Variants in NELL1 observed in about 807,000 individuals in gnomAD.
The protein encoded by NELL1 is protein kinase C-binding protein NELL1.
Under a neutral mutation model 107.4 loss-of-function variants are expected in NELL1, and 76 were observed. That is an observed-to-expected ratio of 0.71 (90% CI 0.59 to 0.86). The LOEUF (loss-of-function observed/expected upper bound fraction) is 0.86. Among genes scored for constraint, NELL1 ranks in the 40% least tolerant of loss-of-function variants. NELL1 has a pLI of 0.00. For synonymous variants in NELL1, 353 were observed against 341.2 expected (o/e 1.03, Z -0.38); for missense variants, 1,024 against 1,005.5 (o/e 1.02, Z -0.25).
At chr11:21,324,075 A>T (rs1221174362) in intron 14 of NELL1, among the ~76,000 whole-genome samples, 1 of 152,108 alleles carries the variant, frequency 6.6e-6, no homozygotes, top group Non-Finnish European at 1.5e-5. Context: ...ACATTTCATT[A>T]ATTTAGGAGT....
intron 17 of NELL1, 99 bp downstream of exon 17, chr11:21,560,481 G>A: frequency 3.7e-6 from 4 of 1,090,578 alleles, no homozygotes; most frequent in Non-Finnish European, 5.2e-6. Context: ...GTTGACTGTA[G>A]TTCCTGAACA....
At chr11:21,182,577 C>T (rs988773212) in intron 13 of NELL1, among the ~76,000 whole-genome samples, 5 of 151,416 alleles carry the variant, frequency 3.3e-5, no homozygotes, top group Admixed American at 6.6e-5. Context: ...ACTTATAATA[C>T]GAAAAGAGCA....
intron 16 of NELL1, among the ~76,000 whole-genome samples, chr11:21,544,651 A>G (rs1378565629): frequency 6.6e-6 from 1 of 151,932 alleles, no homozygotes; most frequent in Non-Finnish European, 1.5e-5. Context: ...CACCAGGTAG[A>G]AATATTTATG....
chr11:21,167,080 A>G (rs1466435814), intron 13 of NELL1, among the ~76,000 whole-genome samples: 2 of 151,936 alleles, frequency 1.3e-5, no homozygotes, highest in African/African-American at 4.9e-5. Context: ...TGAAAAGTCC[A>G]GACATAATAT....
intron 13 of NELL1, among the ~76,000 whole-genome samples, chr11:21,164,835 TTAAATG>T (rs1223764089): frequency 2.6e-5 from 4 of 152,328 alleles, no homozygotes; most frequent in Admixed American, 1.3e-4. Context: ...GATGTAGTAA[TTAAATG>T]TAAATACCTA....
At chr11:21,013,139 G>A (rs956057430) in intron 12 of NELL1, among the ~76,000 whole-genome samples, 30 of 152,298 alleles carry the variant, frequency 2.0e-4, no homozygotes, top group African/African-American at 6.7e-4. Flanking sequence ...GCAGCTTGGA[G>A]GTTAAAGGCA....
At chr11:21,467,125 G>C (rs893846522) in intron 15 of NELL1, among the ~76,000 whole-genome samples, 3 of 152,036 alleles carry the variant, frequency 2.0e-5, no homozygotes, top group Admixed American at 2.0e-4. Context: ...TTTACCAAGA[G>C]AGAGAACAAA....
At chr11:21,440,107 T>C (rs1853240591) in intron 15 of NELL1, among the ~76,000 whole-genome samples, 1 of 152,158 alleles carries the variant, frequency 6.6e-6, no homozygotes, top group Admixed American at 6.6e-5. Flanking sequence ...AGTTAATTCA[T>C]AGAATTCCAG....
chr11:21,371,432 A>G (rs929478550), intron 15 of NELL1, among the ~76,000 whole-genome samples: 1 of 152,122 alleles, frequency 6.6e-6, no homozygotes, highest in South Asian at 2.1e-4. Context: ...TAGGAACATT[A>G]TCATTCATAG....
intron 14 of NELL1, among the ~76,000 whole-genome samples, chr11:21,257,995 G>A (rs1373044037): frequency 6.6e-6 from 1 of 152,026 alleles, no homozygotes; most frequent in Non-Finnish European, 1.5e-5. Context: ...ACACATTGGT[G>A]GGAAGAGAGA....
chr11:20,675,782 CT>C (rs535286280), intron 1 of NELL1, among the ~76,000 whole-genome samples: 60 of 151,174 alleles, frequency 4.0e-4, no homozygotes, highest in Non-Finnish European at 7.8e-4. Context: ...CTTTTCTTTT[CT>C]TTTTTTTTGA....
At chr11:20,707,980 G>T (rs1312642824) in intron 2 of NELL1, among the ~76,000 whole-genome samples, 1 of 152,222 alleles carries the variant, frequency 6.6e-6, no homozygotes, top group Non-Finnish European at 1.5e-5. Context: ...TGCCTGAGCT[G>T]CAGTGGGCTC....
intron 15 of NELL1, among the ~76,000 whole-genome samples, chr11:21,488,644 G>C (rs10833550): frequency 0.99 from 150,729 of 152,268 alleles, 74,622 homozygotes; most frequent in Middle Eastern, 1. Flanking sequence ...ACTTTGAAAA[G>C]TATACAAATA....
intron 5 of NELL1, 106 bp downstream of exon 5, chr11:20,885,646 G>A: frequency 1.4e-6 from 1 of 710,520 alleles, no homozygotes; most frequent in South Asian, 1.6e-5. Context: ...GGAAGGGCAT[G>A]GCATAATAGC....
chr11:20,795,408 T>C (rs886733092), intron 3 of NELL1, among the ~76,000 whole-genome samples: 1 of 152,232 alleles, frequency 6.6e-6, no homozygotes, highest in African/African-American at 2.4e-5. Flanking sequence ...GATAAAATTA[T>C]TTTTTACAGT....
At chr11:21,346,243 C>T (rs561843253) in intron 14 of NELL1, among the ~76,000 whole-genome samples, 1 of 152,182 alleles carries the variant, frequency 6.6e-6, no homozygotes, top group African/African-American at 2.4e-5. Flanking sequence ...CAGGTTCTAA[C>T]AAGAAGAAGA....
intron 15 of NELL1, among the ~76,000 whole-genome samples, chr11:21,376,888 A>G (rs958020828): frequency 6.6e-6 from 1 of 152,136 alleles, no homozygotes; most frequent in Non-Finnish European, 1.5e-5. Context: ...ATTTTTATAC[A>G]TTGATTTTCT....
At chr11:21,559,038 A>G (rs963419431) in intron 16 of NELL1, among the ~76,000 whole-genome samples, 2 of 152,130 alleles carry the variant, frequency 1.3e-5, no homozygotes, top group African/African-American at 4.8e-5. Flanking sequence ...AGGAGAAATC[A>G]TTGTTCACTA....
intron 2 of NELL1, among the ~76,000 whole-genome samples, chr11:20,765,051 C>G (rs543160389): frequency 3.2e-4 from 48 of 151,912 alleles, no homozygotes; most frequent in Non-Finnish European, 4.7e-4. Context: ...CCAGCTACTT[C>G]GGAGGCTGAG....
Sources: allele counts gnomAD v4.1 joint callset (sites outside exome capture counted in the v4.1 genomes callset), GRCh38; gene constraint gnomAD v4.1.1; transcripts MANE v1.5; gene names NCBI Gene and HGNC (gene_info 2026-07-23, HGNC 2026-07-21).